The following CSMD3 variants were observed in gnomAD, a reference collection of about 807,000 sequenced individuals.
CSMD3 encodes the protein CUB and sushi domain-containing protein 3.
A neutral mutation model predicts 435.2 loss-of-function variants in CSMD3; 177 were observed. That is an observed-to-expected ratio of 0.41 (90% CI 0.36 to 0.46). CSMD3 has a LOEUF of 0.46. Ranked by LOEUF, CSMD3 falls within the 20% of genes least tolerant of loss-of-function variation. The pLI is 0.34. For synonymous variants in CSMD3, 1,656 were observed against 1,520.5 expected (o/e 1.09, Z -2.07); for missense variants, 4,265 against 4,504.6 (o/e 0.95, Z 1.52).
chr8:112,490,442 G>A (rs1282916606), intron 31 of CSMD3, among the ~76,000 whole-genome samples: 1 of 152,084 alleles, frequency 6.6e-6, no homozygotes, highest in African/African-American at 2.4e-5. Context: ...CACATTTCAT[G>A]TTGAAACTGA....
At chr8:112,351,492 C>T (rs1033817054) in intron 39 of CSMD3, among the ~76,000 whole-genome samples, 17 of 151,892 alleles carry the variant, frequency 1.1e-4, no homozygotes, top group South Asian at 2.1e-4. Flanking sequence ...ATTAGAATTG[C>T]GGTTTTAATA....
rs1435234734 is a variant in CSMD3, at chr8:113,436,890, C to T, written c.-36G>A. 20 of 1,611,762 alleles carry T rather than the reference C, an allele frequency of 1.2e-5. No homozygotes were observed. Among genetic ancestry groups the T allele is most frequent in the South Asian group, 8.8e-5 (8 of 90,994 alleles). On this transcript the variant is annotated 5_prime_UTR_variant, in exon 1 of 71. Transcript: ENST00000297405. The stretch of plus-strand genomic sequence containing the variant: ...AGCTCCTAATTCCTGCTCCTCAGCC[C>T]GGCGCAGTGGAGTTGTTGCTGTTGT...
At chr8:113,232,222 A>G (rs958471769) in intron 3 of CSMD3, among the ~76,000 whole-genome samples, 2 of 151,616 alleles carry the variant, frequency 1.3e-5, no homozygotes, top group African/African-American at 4.8e-5. Context: ...CTTCTATAAA[A>G]CTTCCTGAAA....
intron 2 of CSMD3, chr8:113,311,727 A>G (rs943760062): frequency 1.3e-5 from 2 of 152,148 alleles, no homozygotes; most frequent in Non-Finnish European, 2.9e-5. Flanking sequence ...GTTACATACT[A>G]ATTTTTTTCT....
intron 38 of CSMD3, 74 bp downstream of exon 38, chr8:112,380,278 T>G: frequency 1.2e-6 from 1 of 830,298 alleles, no homozygotes; most frequent in Non-Finnish European, 2.0e-6. Flanking sequence ...AATATGTACA[T>G]ATCAACAAAA....
chr8:112,423,600 T>G (rs899250009), intron 32 of CSMD3, among the ~76,000 whole-genome samples: 1 of 152,142 alleles, frequency 6.6e-6, no homozygotes, highest in Non-Finnish European at 1.5e-5. Flanking sequence ...TATGCCACCA[T>G]GCCTGGCTAA....
intron 27 of CSMD3, among the ~76,000 whole-genome samples, chr8:112,528,579 C>A (rs988299338): frequency 6.6e-6 from 1 of 152,100 alleles, no homozygotes; most frequent in Non-Finnish European, 1.5e-5. Context: ...GACATCAGCA[C>A]AATGGCAAAG....
At chr8:112,770,034 C>T (rs921188788) in intron 13 of CSMD3, among the ~76,000 whole-genome samples, 3 of 151,920 alleles carry the variant, frequency 2.0e-5, no homozygotes, top group Non-Finnish European at 4.4e-5. Context: ...AATAAATCAA[C>T]ACAAAAGCAC....
intron 35 of CSMD3, among the ~76,000 whole-genome samples, chr8:112,404,204 T>C (rs990966459): frequency 1.2e-4 from 18 of 152,100 alleles, no homozygotes; most frequent in Admixed American, 1.0e-3. Flanking sequence ...AAAAAAAATA[T>C]ATTTTACTTA....
chr8:112,985,575 T>C (rs1002056073), intron 6 of CSMD3, among the ~76,000 whole-genome samples: 2 of 152,066 alleles, frequency 1.3e-5, no homozygotes, highest in Admixed American at 6.6e-5. Flanking sequence ...TACCAGTCCT[T>C]CGCCTGTTAG....
intron 66 of CSMD3, among the ~76,000 whole-genome samples, chr8:112,238,785 A>T (rs1329638153): frequency 6.6e-6 from 1 of 151,886 alleles, no homozygotes; most frequent in Admixed American, 6.6e-5. Context: ...AATTATCATA[A>T]TTTTTTGCAC....
At chr8:113,089,087 G>C (rs568558516) in intron 5 of CSMD3, among the ~76,000 whole-genome samples, 2 of 152,096 alleles carry the variant, frequency 1.3e-5, no homozygotes, top group Non-Finnish European at 2.9e-5. Context: ...GCCCAGGCTG[G>C]AGTACCATGG....
intron 35 of CSMD3, among the ~76,000 whole-genome samples, chr8:112,395,618 G>A (rs960026566): frequency 1.1e-4 from 17 of 152,204 alleles, no homozygotes; most frequent in African/African-American, 4.1e-4. Flanking sequence ...AAGACTCTTT[G>A]CCTAAGGGGA....
chr8:113,340,717 C>CA (rs888695680), intron 1 of CSMD3, among the ~76,000 whole-genome samples: 4 of 151,700 alleles, frequency 2.6e-5, no homozygotes, highest in South Asian at 4.2e-4. Flanking sequence ...ACCAAAAATA[C>CA]AAAAAATTAG....
chr8:112,659,719 A>T (rs1351961516), intron 17 of CSMD3, among the ~76,000 whole-genome samples: 1 of 152,158 alleles, frequency 6.6e-6, no homozygotes, highest in Non-Finnish European at 1.5e-5. Context: ...TGAGAGTAAG[A>T]ATTGTTAAAT....
chr8:112,306,704 T>C (rs1278063037), intron 50 of CSMD3, among the ~76,000 whole-genome samples: 1 of 152,298 alleles, frequency 6.6e-6, no homozygotes, highest in African/African-American at 2.4e-5. Flanking sequence ...AGCCACAATG[T>C]ATGAGCTGGG....
intron 12 of CSMD3, among the ~76,000 whole-genome samples, chr8:112,817,969 A>G (rs2079422668): frequency 6.6e-6 from 1 of 152,060 alleles, no homozygotes; most frequent in Admixed American, 6.5e-5. Flanking sequence ...TTAGCAAATT[A>G]CAAAAAAATT....
intron 9 of CSMD3, among the ~76,000 whole-genome samples, chr8:112,947,587 TA>T (rs960700247): frequency 1.1e-4 from 17 of 150,094 alleles, no homozygotes; most frequent in East Asian, 7.8e-4. Context: ...TCATTTAAAC[TA>T]AAAAAAAAGT....
intron 9 of CSMD3, among the ~76,000 whole-genome samples, chr8:112,946,453 A>C (rs2083612992): frequency 6.6e-6 from 1 of 151,804 alleles, no homozygotes; most frequent in South Asian, 2.1e-4. Context: ...TGGAGTCTGC[A>C]AGTCAAGAGT....
Sources: allele counts gnomAD v4.1 joint callset (sites outside exome capture counted in the v4.1 genomes callset), GRCh38; gene constraint gnomAD v4.1.1; transcripts MANE v1.5; gene names NCBI Gene and HGNC (gene_info 2026-07-23, HGNC 2026-07-21).